Variants in BICD1 observed in about 807,000 individuals in gnomAD.
The protein encoded by BICD1 is protein bicaudal D homolog 1.
BICD1 carries 35 observed loss-of-function variants against 92.5 expected under a neutral mutation model. The ratio of observed to expected loss-of-function variants is 0.38; its 90% CI spans 0.29 to 0.50. BICD1 has a LOEUF of 0.50. Among genes scored for constraint, BICD1 ranks in the 20% least tolerant of loss-of-function variants. The probability of loss-of-function intolerance (pLI) is 0.93; values close to 1 mark genes in which losing one functional copy is unlikely to be tolerated. For missense variants in BICD1, 950 were observed against 1,189.8 expected, an observed-to-expected ratio of 0.80 and a Z score of 2.97; for synonymous variants, 429 against 465.1, an observed-to-expected ratio of 0.92 and a Z score of 1.00.
intron 1 of BICD1, among the ~76,000 whole-genome samples, chr12:32,143,663 G>T (rs1349724809): frequency 6.6e-6 from 1 of 152,104 alleles, no homozygotes; most frequent in Non-Finnish European, 1.5e-5. Flanking sequence ...GAACATGTTT[G>T]CGAATTTCTA....
intron 2 of BICD1, among the ~76,000 whole-genome samples, chr12:32,267,701 T>C (rs1947036101): frequency 6.6e-6 from 1 of 152,250 alleles, no homozygotes. Context: ...AACCCATCTT[T>C]CCCCCACTGA....
chr12:32,113,357 G>A (rs769722338), intron 1 of BICD1, among the ~76,000 whole-genome samples: 2 of 152,140 alleles, frequency 1.3e-5, no homozygotes, highest in Non-Finnish European at 2.9e-5. Flanking sequence ...CAGTTTTAGA[G>A]GGTGAAATTG....
Position 32,135,095 on chromosome 12 carries a change from T to A in BICD1, c.213+27551T>A, listed in dbSNP as rs1244692609. Among the ~76,000 whole-genome samples the A allele has an allele frequency of 6.3e-5, 5 of 79,570 alleles. No homozygotes were observed. The Admixed American group carries it at 8.4e-4, about 13-fold the overall frequency. 52.2% of individuals were successfully genotyped at this position (79,570 alleles called of 152,430 possible). A position where few individuals can be genotyped will look rare whatever the true frequency, so the allele number is the denominator to read the frequency against. Reference sequence around the variant, plus strand: ...CCCTTCCCCGCTCCCCTCCTTTATTTTTTTTTTTTATGAGACGGAGTCTCA... The same window carrying A: ...CCCTTCCCCGCTCCCCTCCTTTATTATTTTTTTTTATGAGACGGAGTCTCA... On this transcript the variant is annotated intron_variant, in intron 1 of 9. Coordinates refer to ENST00000652176, the MANE Select transcript of BICD1 (RefSeq NM_001714.4).
intron 4 of BICD1, among the ~76,000 whole-genome samples, chr12:32,308,637 A>G (rs537323405): frequency 2.4e-4 from 37 of 152,314 alleles, no homozygotes; most frequent in Admixed American, 5.9e-4. Context: ...TCACCCCAAA[A>G]GGGACTGATG....
chr12:32,281,785 A>G (rs940712495), intron 2 of BICD1, among the ~76,000 whole-genome samples: 2 of 152,012 alleles, frequency 1.3e-5, no homozygotes, highest in Non-Finnish European at 2.9e-5. Flanking sequence ...TCATCCCAAC[A>G]ACGCTTCCCA....
At chr12:32,241,327 C>T (rs550160215) in intron 2 of BICD1, among the ~76,000 whole-genome samples, 1 of 152,310 alleles carries the variant, frequency 6.6e-6, no homozygotes, top group South Asian at 2.1e-4. Flanking sequence ...CTTTATTAGA[C>T]TGTTCAGGGG....
chr12:32,306,135 T>C lies in BICD1; in HGVS notation c.1005+13T>C. The C allele has an allele frequency of 1.9e-6, 3 of 1,560,140 alleles. No individual in the cohort carries two copies. The highest frequency in any genetic ancestry group is 2.6e-6 in the Non-Finnish European group (3 of 1,157,458). On this transcript the variant is annotated intron_variant, in intron 4 of 9. Transcript: ENST00000652176. Reference sequence around the variant, plus strand: ...GCAGCTTATGCAGGTAAGAACTTTGTTTAGGGCCGCTAGAGTGAATTTCTT... The same window carrying C: ...GCAGCTTATGCAGGTAAGAACTTTGCTTAGGGCCGCTAGAGTGAATTTCTT...
intron 1 of BICD1, among the ~76,000 whole-genome samples, chr12:32,173,128 A>G (rs1386333094): frequency 2.0e-5 from 3 of 151,720 alleles, no homozygotes; most frequent in African/African-American, 7.3e-5. Flanking sequence ...GATCACTGCA[A>G]CCTCCGCCTC....
chr12:32,254,211 T>C (rs1401466894), intron 2 of BICD1, among the ~76,000 whole-genome samples: 6 of 143,324 alleles, frequency 4.2e-5, no homozygotes, highest in Non-Finnish European at 7.5e-5. Flanking sequence ...CCATAATCAC[T>C]GCCATATTCC....
chr12:32,337,841 T>C lies in BICD1; in HGVS notation c.2570+25T>C. 1 of 1,606,712 alleles carries C rather than the reference T, an allele frequency of 6.2e-7. No homozygotes were observed. Among genetic ancestry groups the C allele is most frequent in the Non-Finnish European group, 8.5e-7 (1 of 1,173,550 alleles). On this transcript the variant is annotated intron_variant, in intron 7 of 9. Transcript: ENST00000652176. This position sits in a 1 kb window ranked among gnomAD's most constrained non-coding sequence, Gnocchi z 4.7. ...GGTATGCATGCAGCGATCTTCATAG[T>C]ACGGTGCAGTGGCCAGATTTTAGTT...
chr12:32,326,059 G>GGT (rs1158289526), intron 4 of BICD1, among the ~76,000 whole-genome samples: 1 of 37,344 alleles, frequency 2.7e-5, no homozygotes, highest in Non-Finnish European at 5.9e-5. Context: ...CTCCAGCCTG[G>GGT]GAGAGAGTGA....
chr12:32,271,922 G>T (rs1471205440), intron 2 of BICD1, among the ~76,000 whole-genome samples: 1 of 152,082 alleles, frequency 6.6e-6, no homozygotes, highest in African/African-American at 2.4e-5. Context: ...TCATACTTAA[G>T]GGTTCCTGGG....
chr12:32,339,619 A>G (rs188631618), intron 8 of BICD1: 4 of 985,220 alleles, frequency 4.1e-6, no homozygotes, highest in African/African-American at 3.5e-5. Context: ...TACTTGTTCT[A>G]TGAAGAGGCC....
At chr12:32,288,223 ATT>A (rs34913740) in intron 2 of BICD1, among the ~76,000 whole-genome samples, 67 of 109,492 alleles carry the variant, frequency 6.1e-4, no homozygotes, top group East Asian at 1.5e-3. Flanking sequence ...CCAAGTCCTA[ATT>A]TTTTTTTTTT....
At chr12:32,111,208 C>T (rs1047420216) in intron 1 of BICD1, among the ~76,000 whole-genome samples, 1 of 152,174 alleles carries the variant, frequency 6.6e-6, no homozygotes, top group Admixed American at 6.6e-5. Flanking sequence ...TTTGTCAACC[C>T]TGACACCAAG....
At chr12:32,208,651 C>T (rs769525648) in intron 1 of BICD1, among the ~76,000 whole-genome samples, 1 of 152,108 alleles carries the variant, frequency 6.6e-6, no homozygotes, top group Admixed American at 6.5e-5. Context: ...AGTTGCCTGG[C>T]CTCCTGTGAG....
rs1945363501 is a variant in BICD1 at position 32,216,391 on chromosome 12, C to T, written c.358C>T (p.Arg120Trp). 2 of 1,613,956 alleles carry T rather than the reference C, an allele frequency of 1.2e-6. No homozygotes were observed. The highest frequency in any genetic ancestry group is 3.3e-5 in the Admixed American group (2 of 59,994). ...GATGCAGAACGAGCTGAAACAGAGC[C>T]GGGCTGTGGTCACTAATGTACAGGC... ...LEMQNELKQSRAVVTNVQAEN... is the reference protein window; with the variant it reads ...LEMQNELKQSWAVVTNVQAEN... Residue 120 changes from arginine (R) to tryptophan (W), a missense_variant, in exon 2 of 10, where the codon CGG (arginine) becomes TGG (tryptophan). Around this residue, in one of 5 missense-constraint regions of BICD1, gnomAD observed 202 missense variants for 205.3 expected, o/e 0.98. Transcript: ENST00000652176.
At chr12:32,243,431 A>T (rs574322160) in intron 2 of BICD1, among the ~76,000 whole-genome samples, 95 of 151,866 alleles carry the variant, frequency 6.3e-4, no homozygotes, top group African/African-American at 2.3e-3. Context: ...TTTCTTAGGG[A>T]TAGCATTCCA....
chr12:32,157,206 T>TTA (rs1028985625), intron 1 of BICD1, among the ~76,000 whole-genome samples: 37 of 140,872 alleles, frequency 2.6e-4, no homozygotes, highest in African/African-American at 1.2e-3. Context: ...TCTATTATAA[T>TTA]TAAGTCCAGA....
Sources: allele counts gnomAD v4.1 joint callset (sites outside exome capture counted in the v4.1 genomes callset), GRCh38; gene constraint gnomAD v4.1.1; regional missense constraint gnomAD v4.1.1; non-coding constraint Gnocchi (gnomAD v3.1); transcripts MANE v1.5; gene names NCBI Gene and HGNC (gene_info 2026-07-23, HGNC 2026-07-21).